ZDHHC11: variants seen among roughly 807,000 people sequenced by gnomAD.
The protein encoded by ZDHHC11 is zDHHC palmitoyltransferase 11.
Under a neutral mutation model 51.3 loss-of-function variants are expected in ZDHHC11, and 44 were observed. That is an observed-to-expected ratio of 0.86 (90% CI 0.67 to 1.10). The LOEUF (loss-of-function observed/expected upper bound fraction) is 1.10, where lower values mean the gene tolerates loss of function less well. Ranked by LOEUF, ZDHHC11 falls within the 50% of genes least tolerant of loss-of-function variation. The pLI, the probability that ZDHHC11 is intolerant of heterozygous loss-of-function variation, is 0.00. For missense variants in ZDHHC11, 400 were observed against 537.7 expected (o/e 0.74, Z 2.53); for synonymous variants, 163 against 222.0 (o/e 0.73, Z 2.36).
At chr5:802,740 G>A (rs1404268874) in intron 11 of ZDHHC11, among the ~76,000 whole-genome samples, 4 of 143,188 alleles carry the variant, frequency 2.8e-5, no homozygotes, top group Admixed American at 7.2e-5. Context: ...TTGGGAGACC[G>A]AGGTGGGTGG....
intron 3 of ZDHHC11, among the ~76,000 whole-genome samples, chr5:844,070 G>T (rs137880056): frequency 6.7e-6 from 1 of 149,026 alleles, no homozygotes; most frequent in South Asian, 2.1e-4. Flanking sequence ...TCTGGAGCCC[G>T]CAGGGTGGAG....
chr5:801,211 A>G, intron 11 of ZDHHC11, 47 bp from the exon 12 acceptor site: 1 of 1,603,236 alleles, frequency 6.2e-7, no homozygotes, highest in Non-Finnish European at 8.5e-7. Context: ...CGTATGATGT[A>G]ATACTTGTTA....
rs770115909 is a variant in ZDHHC11, at chr5:825,237, C to T, written c.950G>A (p.Ser317Asn). 1 of 1,612,684 alleles carries T rather than the reference C, an allele frequency of 6.2e-7. No individual in the cohort carries two copies. The highest frequency in any genetic ancestry group is 2.2e-5 in the East Asian group (1 of 44,882). The change falls in exon 8 of 13, where the codon AGC becomes AAC. Residue 317 changes from serine to asparagine, a missense_variant. Ser to Asn is a conservative substitution (Grantham distance 46). Transcript: ENST00000283441. ...GSSAQGVKAK[S>N]SLLIHKHLCH... ...TAAGTGCTTGTGAATCAGCAGGGAG[C>T]TCTTGGCTTTGACTCTGGTGGGACA...
At position 819,507 on chromosome 5, in the gene ZDHHC11, C is replaced by A. The variant is rs369204922; in HGVS notation, c.1146+18G>T. On this transcript the variant is annotated intron_variant, in intron 10 of 12. Coordinates refer to ENST00000283441, the MANE Select transcript of ZDHHC11 (RefSeq NM_024786.3). ...CATGGCCCTGTCCTCGGGGACAGCG[C>A]CAGTGATTGCAACTTACCTGTGCCA... The A allele has an allele frequency of 6.2e-7, 1 of 1,606,380 alleles. No homozygotes were observed. The highest frequency in any genetic ancestry group is 1.3e-5 in the African/African-American group (1 of 74,738).
upstream of ZDHHC11, among the ~76,000 whole-genome samples, chr5:851,295 A>G (rs950333412): frequency 7.0e-6 from 1 of 143,836 alleles, no homozygotes; most frequent in African/African-American, 2.5e-5. Context: ...AGTGGCTGGG[A>G]GGTTCTGAAC....
chr5:811,818 T>C (rs1579578038), intron 11 of ZDHHC11, among the ~76,000 whole-genome samples: 1 of 147,322 alleles, frequency 6.8e-6, no homozygotes, highest in African/African-American at 2.5e-5. Context: ...TTAAAAATTG[T>C]CAAAACTTTT....
At position 833,844 on chromosome 5, in the gene ZDHHC11, A is replaced by T. The variant is rs764812954; in HGVS notation, c.901-37T>A. The T allele has an allele frequency of 3.2e-6, 5 of 1,570,828 alleles. No individual in the cohort carries two copies. In the East Asian group the frequency reaches 6.7e-5, roughly 21 times the overall value. On this transcript the variant is annotated intron_variant, in intron 6 of 12. Coordinates refer to ENST00000283441, the MANE Select transcript of ZDHHC11 (RefSeq NM_024786.3). ...AAGAAAATTCGTCACATGAAAAAAG[A>T]AGTTGTTGACATGCAGCTGATTCTT...
chr5:804,610 G>C (rs1254483275), intron 11 of ZDHHC11, among the ~76,000 whole-genome samples: 1 of 151,306 alleles, frequency 6.6e-6, no homozygotes, highest in Non-Finnish European at 1.5e-5. Flanking sequence ...GCAGAGAGAA[G>C]TGACTAATCA....
At chr5:804,845 A>C (rs1190074250) in intron 11 of ZDHHC11, among the ~76,000 whole-genome samples, 1 of 151,290 alleles carries the variant, frequency 6.6e-6, no homozygotes, top group African/African-American at 2.4e-5. Context: ...CCTACCCTAA[A>C]AGAAATATTA....
chr5:799,697 G>A (rs908900959), intron 12 of ZDHHC11, among the ~76,000 whole-genome samples: 1 of 151,416 alleles, frequency 6.6e-6, no homozygotes, highest in Non-Finnish European at 1.5e-5. Context: ...GTAGACTCAG[G>A]CGCTGTTCTA....
At chr5:849,106 C>T (rs1423464893) in intron 1 of ZDHHC11, among the ~76,000 whole-genome samples, 5 of 150,554 alleles carry the variant, frequency 3.3e-5, no homozygotes, top group South Asian at 2.1e-4. Flanking sequence ...TGAGTCCACC[C>T]GTCGGCCCTG....
intron 9 of ZDHHC11, chr5:821,045 C>A (rs1445070329): frequency 1.3e-5 from 2 of 151,384 alleles, no homozygotes; most frequent in African/African-American, 4.8e-5. Flanking sequence ...GATAAAATAA[C>A]CTTATCTCTT....
intron 8 of ZDHHC11, chr5:823,690 G>C (rs1410270523): frequency 1.5e-4 from 28 of 189,586 alleles, no homozygotes; most frequent in African/African-American, 5.9e-4. Flanking sequence ...CGGAGACGCG[G>C]GCTTGGGATT....
At chr5:856,668 G>A (rs915296019) in intron 1 of ZDHHC11, among the ~76,000 whole-genome samples, 7 of 147,184 alleles carry the variant, frequency 4.8e-5, no homozygotes, top group Non-Finnish European at 1.0e-4. Flanking sequence ...CGTGCACCAC[G>A]TGACAAGTAC....
intron 10 of ZDHHC11, among the ~76,000 whole-genome samples, chr5:818,576 C>T (rs1741140426): frequency 6.6e-6 from 1 of 151,812 alleles, no homozygotes; most frequent in South Asian, 2.1e-4. Flanking sequence ...GATTCCCCCA[C>T]AGCCTAGTAC....
At chr5:812,580 G>C (rs1257403913) in intron 11 of ZDHHC11, among the ~76,000 whole-genome samples, 1 of 151,184 alleles carries the variant, frequency 6.6e-6, no homozygotes, top group Non-Finnish European at 1.5e-5. Flanking sequence ...GCTGAAAAGG[G>C]TGAGGAAATT....
rs748472546 is a variant in ZDHHC11, at chr5:840,481, G to A, written c.784+14C>T. ...AGCCTTGGGGGGATCGGGGGCTTAG[G>A]GTGGGGGACATACTCAGGTAGATGT... On this transcript the variant is annotated intron_variant, in intron 5 of 12. Transcript: ENST00000283441. 3.1e-6 allele frequency: 5 copies of A among 1,613,314 alleles called. No individual in the cohort carries two copies. The African/African-American group carries it at 6.7e-5, about 22-fold the overall frequency.
intron 10 of ZDHHC11, chr5:816,578 C>T (rs1394996929): frequency 1.6e-6 from 1 of 615,114 alleles, no homozygotes; most frequent in East Asian, 3.8e-5. Context: ...GAATTTTTGT[C>T]TAATTGACGG....
upstream of ZDHHC11, among the ~76,000 whole-genome samples, chr5:853,127 C>G (rs772172927): frequency 9.8e-5 from 13 of 132,588 alleles, no homozygotes; most frequent in East Asian, 2.5e-4. Context: ...CAATTAGCAG[C>G]GGGGACAGAC....
Sources: gnomAD v4.1 joint callset for allele counts (sites outside exome capture counted in the v4.1 genomes callset) on GRCh38, gnomAD v4.1.1 for gene constraint, MANE v1.5 for transcripts, NCBI Gene and HGNC (gene_info 2026-07-23, HGNC 2026-07-21) for gene names.